Variants in PENK observed in about 807,000 individuals in gnomAD.
PENK encodes proenkephalin-A.
A neutral mutation model predicts 24.1 loss-of-function variants in PENK; 25 were observed. That is an observed-to-expected ratio of 1.04 (90% CI 0.76 to 1.45). The LOEUF is 1.45. PENK is among the 40% of genes most tolerant of loss of function. PENK has a pLI of 0.00. For missense variants in PENK, 353 were observed against 337.9 expected (o/e 1.04, Z -0.35); for synonymous variants, 135 against 130.3 (o/e 1.04, Z -0.24).
intron 2 of PENK, 55 bp from the exon 3 acceptor site, chr8:56,446,011 C>T (rs1003149248): frequency 1.3e-6 from 2 of 1,509,094 alleles, no homozygotes; most frequent in Non-Finnish European, 1.8e-6. Context: ...GAACGGGGTC[C>T]CTCGGCAGGA....
intron 3 of PENK, among the ~76,000 whole-genome samples, chr8:56,442,536 A>G (rs889803939): frequency 3.3e-5 from 5 of 152,150 alleles, no homozygotes; most frequent in South Asian, 2.1e-4. Flanking sequence ...TAAAAACTCA[A>G]TTTAAATCTG....
At chr8:56,442,125 A>G (rs1804572493) in intron 3 of PENK, among the ~76,000 whole-genome samples, 188 bp from the exon 4 acceptor site, 1 of 152,218 alleles carries the variant, frequency 6.6e-6, no homozygotes, top group African/African-American at 2.4e-5. Flanking sequence ...AAAATTTGGA[A>G]AGGTGAAAGT....
rs58555359 is a variant in PENK at position 56,442,976 on chromosome 8, G to A, written c.139-1039C>T. Among the ~76,000 whole-genome samples the A allele has an allele frequency of 0.015, 2,228 of 152,044 alleles. 134 individuals carry two copies. The East Asian group carries it at 0.21, about 14-fold the overall frequency. On this transcript the variant is annotated intron_variant, in intron 3 of 3. Transcript: ENST00000451791. Reference sequence around the variant, plus strand: ...TGCATGATATTTCTTAGCATTTCAGGAGTTTTTTACAGCCCTCTGAAGTCT... The same window carrying A: ...TGCATGATATTTCTTAGCATTTCAGAAGTTTTTTACAGCCCTCTGAAGTCT...
In PENK at chr8:56,441,339, T is replaced by A. The variant is rs1217388040; in HGVS notation, c.737A>T (p.Glu246Val). ...AACTTCTTTGGAGTAACTTTCGCCT[T>A]CTTCGTCGGAGGGCAGAGCCTCGGC... ...RFAEALPSDEEGESYSKEVPE... is the reference protein window; with the variant it reads ...RFAEALPSDEVGESYSKEVPE... The change falls in exon 4 of 4, where the codon GAA (glutamate) becomes GTA (valine). Residue 246 changes from glutamate to valine, a missense_variant. Transcript: ENST00000451791. 2 of 1,613,644 alleles carry A rather than the reference T, an allele frequency of 1.2e-6. No homozygotes were observed. The highest frequency in any genetic ancestry group is 1.7e-5 in the Admixed American group (1 of 59,842).
rs1804547962 is a variant in PENK, at chr8:56,441,378, A to G, written c.698T>C (p.Phe233Ser). The G allele has an allele frequency of 6.2e-7, 1 of 1,614,042 alleles. No individual in the cohort carries two copies. Among genetic ancestry groups the G allele is most frequent in the South Asian group, 1.1e-5 (1 of 91,086 alleles). Residue 233 changes from phenylalanine (F) to serine (S), a missense_variant, in exon 4 of 4, where the codon TTC (phenylalanine) becomes TCC (serine). Coordinates refer to ENST00000451791, the MANE Select transcript of PENK (RefSeq NM_001135690.3). ...WMDYQKRYGGFLKRFAEALPS... is the reference protein window; with the variant it reads ...WMDYQKRYGGSLKRFAEALPS... ...CAGAGCCTCGGCAAAGCGCTTCAGGAAACCTCCATACCGTTTCTGGTAGTC... is the reference window on the plus strand; with the variant it reads ...CAGAGCCTCGGCAAAGCGCTTCAGGGAACCTCCATACCGTTTCTGGTAGTC...
intron 3 of PENK, chr8:56,443,486 G>A (rs967219632): frequency 6.5e-6 from 1 of 153,002 alleles, no homozygotes; most frequent in African/African-American, 2.4e-5. Flanking sequence ...ATGTATGCAT[G>A]TTTTGTGGTA....
At position 56,441,527 on chromosome 8, in the gene PENK, G is replaced by A; in HGVS notation, c.549C>T (p.Ser183=). 1.2e-6 allele frequency: 2 copies of A among 1,613,502 alleles called. No individual in the cohort carries two copies. The highest frequency in any genetic ancestry group is 1.7e-6 in the Non-Finnish European group (2 of 1,179,954). ...CTCTCATGAAGCCCCCATATCTCTT[G>A]CTCACTTCTTCCTCATTATCACTGC... is the stretch of plus-strand genomic sequence containing the variant. ...QDGSDNEEEV[S]KRYGGFMRGL... is the part of the protein sequence containing the mutation. The change falls in exon 4 of 4, where the codon AGC becomes AGT. Residue 183 remains serine, a synonymous_variant. Transcript: ENST00000451791.
chr8:56,442,609 T>C (rs1804580361), intron 3 of PENK, among the ~76,000 whole-genome samples: 7 of 151,896 alleles, frequency 4.6e-5, no homozygotes. Context: ...TTTGTTTTTT[T>C]CCTTTTTTCT....
intron 3 of PENK, among the ~76,000 whole-genome samples, chr8:56,443,176 C>A (rs1055276888): frequency 6.6e-6 from 1 of 151,962 alleles, no homozygotes; most frequent in Non-Finnish European, 1.5e-5. Flanking sequence ...TATATAACTA[C>A]GTAAGAATCT....
Position 56,441,618 on chromosome 8 carries a change from G to A in PENK, c.458C>T (p.Ser153Phe), listed in dbSNP as rs1377419372. 6.2e-7 allele frequency: 1 copy of A among 1,613,912 alleles called. No homozygotes were observed. The highest frequency in any genetic ancestry group is 8.5e-7 in the Non-Finnish European group (1 of 1,179,974). ...CAGAAGCTCTTTTAGCAGGTCTGAG[G>A]AATTGGCCAGCGAGTCGTCCTCCTC... ...DAEEDDSLANSSDLLKELLET... is the reference protein window; with the variant it reads ...DAEEDDSLANFSDLLKELLET... The change falls in exon 4 of 4, where the codon TCC (serine) becomes TTC (phenylalanine). Residue 153 changes from serine to phenylalanine, a missense_variant. By Grantham distance (155) the Ser-to-Phe change is radical. Transcript: ENST00000451791.
At position 56,441,562 on chromosome 8, in the gene PENK, G is replaced by T; in HGVS notation, c.514C>A (p.His172Asn). 6.2e-7 allele frequency: 1 copy of T among 1,613,662 alleles called. No individual in the cohort carries two copies. The highest frequency in any genetic ancestry group is 1.7e-5 in the Admixed American group (1 of 59,970). Residue 172 changes from histidine to asparagine, a missense_variant, in exon 4 of 4, where the codon CAC becomes AAC. Coordinates refer to ENST00000451791, the MANE Select transcript of PENK (RefSeq NM_001135690.3). ...TCCTCATTATCACTGCCATCCTGGT[G>T]GTGGCTACGCTCTCGGTTGTCCCCT... ...ETGDNRERSH[H>N]QDGSDNEEEV...
chr8:56,445,764 G>A (rs1804646538), intron 3 of PENK, 52 bp downstream of exon 3: 1 of 1,611,124 alleles, frequency 6.2e-7, no homozygotes, highest in Non-Finnish European at 8.5e-7. Flanking sequence ...GCGTACTGTT[G>A]CGGAAACTCT....
At chr8:56,443,004 C>G (rs1804587678) in intron 3 of PENK, among the ~76,000 whole-genome samples, 1 of 151,892 alleles carries the variant, frequency 6.6e-6, no homozygotes, top group South Asian at 2.1e-4. Context: ...TGAAGTCTTT[C>G]TTGGTATTAT....
chr8:56,446,080 T>C, intron 2 of PENK, 124 bp from the exon 3 acceptor site: 5 of 1,148,190 alleles, frequency 4.4e-6, no homozygotes, highest in Non-Finnish European at 4.8e-6. Flanking sequence ...GGAATGCTCC[T>C]TTCTGGGGCC....
At chr8:56,445,691 C>G (rs1231416797) in intron 3 of PENK, 125 bp downstream of exon 3, 1 of 1,263,900 alleles carries the variant, frequency 7.9e-7, no homozygotes, top group South Asian at 1.2e-5. Context: ...CGGGCTCGCG[C>G]CGCTGCGGCT....
intron 3 of PENK, among the ~76,000 whole-genome samples, chr8:56,443,145 T>G (rs1804589516): frequency 6.6e-6 from 1 of 152,156 alleles, no homozygotes; most frequent in Non-Finnish European, 1.5e-5. Flanking sequence ...GTATTTAAGC[T>G]TCGTGTCTGA....
At chr8:56,446,339 C>T in intron 2 of PENK, 87 bp downstream of exon 2, 1 of 245,904 alleles carries the variant, frequency 4.1e-6, no homozygotes, top group Non-Finnish European at 7.8e-6. Flanking sequence ...GTTGGGGAAC[C>T]CATGCAATGA....
At chr8:56,442,891 A>T (rs1049856562) in intron 3 of PENK, among the ~76,000 whole-genome samples, 1 of 151,986 alleles carries the variant, frequency 6.6e-6, no homozygotes. Flanking sequence ...GTTTTTTTCT[A>T]TTTAACACAT....
chr8:56,442,658 G>A (rs1439966579), intron 3 of PENK, among the ~76,000 whole-genome samples: 3 of 151,582 alleles, frequency 2.0e-5, no homozygotes, highest in South Asian at 2.1e-4. Context: ...TGAACAAAAT[G>A]TCTATAATGA....
Sources: allele counts gnomAD v4.1 joint callset (sites outside exome capture counted in the v4.1 genomes callset), GRCh38; gene constraint gnomAD v4.1.1; transcripts MANE v1.5; gene names NCBI Gene and HGNC (gene_info 2026-07-23, HGNC 2026-07-21).